ZNF611: variants seen among roughly 807,000 people sequenced by gnomAD.
The protein encoded by ZNF611 is zinc finger protein 611.
Under a neutral mutation model 8.9 loss-of-function variants are expected in ZNF611, and 6 were observed. The ratio of observed to expected loss-of-function variants is 0.68; its 90% CI spans 0.37 to 1.34. ZNF611 has a LOEUF of 1.34. Ranked by LOEUF, ZNF611 falls within the 40% of genes most tolerant of loss-of-function variation. ZNF611 has a pLI of 0.02. For missense variants in ZNF611, 874 were observed against 841.3 expected, an observed-to-expected ratio of 1.04 and a Z score of -0.48; for synonymous variants, 262 against 279.7, an observed-to-expected ratio of 0.94 and a Z score of 0.63.
At chr19:52,721,811 C>T (rs1273090573) in intron 3 of ZNF611, among the ~76,000 whole-genome samples, 1 of 152,014 alleles carries the variant, frequency 6.6e-6, no homozygotes, top group Non-Finnish European at 1.5e-5. Context: ...GTTGCCCACA[C>T]TGAAGTGCAA....
At chr19:52,716,022 T>C (rs1372267814) in intron 3 of ZNF611, 109 bp from the exon 4 acceptor site, 12 of 1,214,848 alleles carry the variant, frequency 9.9e-6, no homozygotes, top group African/African-American at 1.5e-5. Flanking sequence ...AGTCCCCCAC[T>C]GCCCACTGCA....
At chr19:52,732,239 C>T (rs1327482871) in intron 1 of ZNF611, among the ~76,000 whole-genome samples, 1 of 151,970 alleles carries the variant, frequency 6.6e-6, no homozygotes, top group Non-Finnish European at 1.5e-5. Flanking sequence ...CACTGCACTC[C>T]AGCCTGGGTG....
Position 52,705,797 on chromosome 19 carries a change from G to A in ZNF611, c.1258C>T (p.His420Tyr). ...HSQLARHRRI[H>Y]TAKKTYKCNE... ...CATTTATAAGTTTTCTTTGCAGTATGAATTCTTCTATGTCGAGCCAGCTGT... is the reference window on the plus strand; with the variant it reads ...CATTTATAAGTTTTCTTTGCAGTATAAATTCTTCTATGTCGAGCCAGCTGT... Residue 420 changes from histidine (H) to tyrosine (Y), a missense_variant, in exon 6 of 6, where the codon CAT becomes TAT. Coordinates refer to ENST00000652185, the MANE Select transcript of ZNF611 (RefSeq NM_001161499.2). 1 of 1,613,924 alleles carries A rather than the reference G, an allele frequency of 6.2e-7. No homozygotes were observed. Among genetic ancestry groups the A allele is most frequent in the Non-Finnish European group, 8.5e-7 (1 of 1,179,978 alleles).
Position 52,706,368 on chromosome 19 carries a change from T to G in ZNF611, c.687A>C (p.Lys229Asn). 1 of 1,614,188 alleles carries G rather than the reference T, an allele frequency of 6.2e-7. No individual in the cohort carries two copies. Among genetic ancestry groups the G allele is most frequent in the South Asian group, 1.1e-5 (1 of 91,082 alleles). The stretch of plus-strand genomic sequence containing the variant: ...TGCCACTCTTATTACATTGGAAAGA[T>G]TTTTCTCTCATGTGTACTTCCTGTT... ...PQKQEVHMRE[K>N]SFQCNKSGKA... Residue 229 changes from lysine (K) to asparagine (N), a missense_variant, in exon 6 of 6, where the codon AAA (lysine) becomes AAC (asparagine). Transcript: ENST00000652185.
rs1366120929 is a variant in ZNF611, at chr19:52,729,947, A to AT, written c.-164dup. 2 of 152,222 alleles carry AT rather than the reference A, an allele frequency of 1.3e-5. No individual in the cohort carries two copies. The highest frequency in any genetic ancestry group is 2.9e-5 in the Non-Finnish European group (2 of 68,036). 9.4% of individuals were successfully genotyped at this position (152,222 alleles called of 1,614,324 possible). On this transcript the variant is annotated 5_prime_UTR_variant, in exon 2 of 6. The change creates a new upstream start codon in the 5' untranslated region. Coordinates refer to ENST00000652185, the MANE Select transcript of ZNF611 (RefSeq NM_001161499.2). ...ATTATGATGTCACAGGTACAGCTGC[A>AT]TATCACCAGGCAATACAGCAATTTT... is the stretch of plus-strand genomic sequence containing the variant.
intron 5 of ZNF611, among the ~76,000 whole-genome samples, chr19:52,712,210 C>A (rs1035702220): frequency 4.0e-5 from 6 of 148,956 alleles, no homozygotes; most frequent in Non-Finnish European, 9.0e-5. Context: ...GAAATGCATA[C>A]AAACACACAC....
At chr19:52,728,482 G>A (rs1443221470) in intron 3 of ZNF611, among the ~76,000 whole-genome samples, 1 of 152,026 alleles carries the variant, frequency 6.6e-6, no homozygotes, top group East Asian at 1.9e-4. Context: ...AAATTGCAGT[G>A]AGCCGAGATC....
At chr19:52,729,040 A>G (rs10853855) in intron 2 of ZNF611, 50,910 of 152,180 alleles carry the variant, frequency 0.33, 8,620 homozygotes, top group East Asian at 0.42. Context: ...CCTATTTCCA[A>G]TACCATGACA....
At chr19:52,710,431 T>C (rs1169187907) in intron 5 of ZNF611, among the ~76,000 whole-genome samples, 1 of 152,132 alleles carries the variant, frequency 6.6e-6, no homozygotes, top group East Asian at 1.9e-4. Context: ...GGTTTCACCA[T>C]GTTGGCCAGG....
chr19:52,714,440 C>T (rs1384511789), intron 4 of ZNF611, among the ~76,000 whole-genome samples: 1 of 151,960 alleles, frequency 6.6e-6, no homozygotes, highest in Non-Finnish European at 1.5e-5. Context: ...GTAATCCCAA[C>T]ACTTCAGGAG....
rs531832888 is a variant in ZNF611 at position 52,714,770 on chromosome 19, C to T, written c.64-629G>A. Among the ~76,000 whole-genome samples the T allele has an allele frequency of 3.4e-5, 5 of 145,450 alleles. 2 individuals are homozygous for T. The Admixed American group carries it at 3.5e-4, about 10-fold the overall frequency. ...ATCCCAGCACTTTGGGAGACCAAGA[C>T]GGGCAGATAATGTGGTCAAGAGATT... On this transcript the variant is annotated intron_variant, in intron 4 of 5. Coordinates refer to ENST00000652185, the MANE Select transcript of ZNF611 (RefSeq NM_001161499.2).
chr19:52,712,467 A>G, intron 5 of ZNF611, among the ~76,000 whole-genome samples: 1 of 144,110 alleles, frequency 6.9e-6, no homozygotes, highest in Non-Finnish European at 1.5e-5. Flanking sequence ...AAAAAAAAAA[A>G]AAAAAAAAAA....
At chr19:52,734,519 A>C (rs2062445085) in intron 1 of ZNF611, among the ~76,000 whole-genome samples, 1 of 73,288 alleles carries the variant, frequency 1.4e-5, no homozygotes, top group Non-Finnish European at 2.6e-5. Flanking sequence ...CCCCGGCATG[A>C]GGAGGAAGGT....
chr19:52,728,213 G>A (rs1282285234), intron 3 of ZNF611, among the ~76,000 whole-genome samples: 1 of 148,896 alleles, frequency 6.7e-6, no homozygotes, highest in Non-Finnish European at 1.5e-5. Flanking sequence ...GCCGTTGTTT[G>A]CCTGTCAAAG....
At chr19:52,725,914 C>A (rs112692976) in intron 3 of ZNF611, among the ~76,000 whole-genome samples, 4,169 of 152,230 alleles carry the variant, frequency 0.027, 180 homozygotes, top group African/African-American at 0.092. Context: ...TGCATCTCTC[C>A]GCCTCGCACC....
chr19:52,731,592 C>A (rs936627828), intron 1 of ZNF611, among the ~76,000 whole-genome samples: 5 of 151,916 alleles, frequency 3.3e-5, no homozygotes, highest in African/African-American at 1.2e-4. Context: ...TGGTATCGAA[C>A]TCCTGACCTC....
In ZNF611 at chr19:52,705,454, C is replaced by T; in HGVS notation, c.1601G>A (p.Gly534Glu). 1.2e-6 allele frequency: 2 copies of T among 1,614,168 alleles called. No homozygotes were observed. Among genetic ancestry groups the T allele is most frequent in the Non-Finnish European group, 1.7e-6 (2 of 1,180,032 alleles). Reference sequence around the variant, plus strand: ...AACCTTACATTTGTATGGTTTCTCTCCAGTATGACCTATCTTATGTGTCTC... The same window carrying T: ...AACCTTACATTTGTATGGTTTCTCTTCAGTATGACCTATCTTATGTGTCTC... Reference protein sequence around the residue: ...SLETHKIGHTGEKPYKCKVCD... With the variant: ...SLETHKIGHTEEKPYKCKVCD... The change falls in exon 6 of 6, where the codon GGA becomes GAA. Residue 534 changes from glycine (G) to glutamate (E), a missense_variant. Transcript: ENST00000652185.
At chr19:52,729,380 C>A (rs1403187792) in intron 2 of ZNF611, among the ~76,000 whole-genome samples, 8 of 150,576 alleles carry the variant, frequency 5.3e-5, no homozygotes, top group Non-Finnish European at 1.2e-4. Flanking sequence ...GCAGTCCCAG[C>A]TACTCAGGAG....
chr19:52,732,504 CAGAA>C (rs1488650540), intron 1 of ZNF611, among the ~76,000 whole-genome samples: 8 of 88,246 alleles, frequency 9.1e-5, no homozygotes, highest in African/African-American at 3.0e-4. Flanking sequence ...TTGAGTTATT[CAGAA>C]TAACTCACAG....
Sources: gnomAD v4.1 joint callset for allele counts (sites outside exome capture counted in the v4.1 genomes callset) on GRCh38, gnomAD v4.1.1 for gene constraint, MANE v1.5 for transcripts, NCBI Gene and HGNC (gene_info 2026-07-23, HGNC 2026-07-21) for gene names.